The following LDB2 variants were observed in gnomAD, a reference collection of about 807,000 sequenced individuals.
LDB2 encodes the protein LIM domain binding 2, also known as LIM domain-binding protein 2.
In LDB2, 12 loss-of-function variants were observed where a neutral mutation model predicts 44.3. The observed-to-expected ratio is 0.27, with a 90% CI of 0.17 to 0.44. The LOEUF is 0.44. LDB2 is among the 20% of genes least tolerant of loss of function. The pLI, the probability that LDB2 is intolerant of heterozygous loss-of-function variation, is 1.00. For missense variants in LDB2, 344 were observed against 473.5 expected (o/e 0.73, Z 2.54); for synonymous variants, 164 against 174.8 (o/e 0.94, Z 0.49).
chr4:16,777,393 A>T (rs541939309), intron 1 of LDB2, among the ~76,000 whole-genome samples: 39 of 152,092 alleles, frequency 2.6e-4, no homozygotes, highest in Non-Finnish European at 4.1e-4. Flanking sequence ...CAAGTACAAC[A>T]GCCCTGAGAT....
At chr4:16,733,055 C>G (rs1481023460) in intron 2 of LDB2, among the ~76,000 whole-genome samples, 1 of 152,074 alleles carries the variant, frequency 6.6e-6, no homozygotes, top group East Asian at 1.9e-4. Flanking sequence ...TTTTATAAAC[C>G]ACCAGAACAA....
rs1560399347 is a variant in LDB2 at position 16,536,803 on chromosome 4, G to T, written c.616-24699C>A. Among the ~76,000 whole-genome samples the T allele has an allele frequency of 7.9e-5, 12 of 152,342 alleles. No individual in the cohort carries two copies. In the South Asian group the frequency reaches 2.5e-3, roughly 32 times the overall value. ...GCCTAGAAGGATGAGCACAGGTTAG[G>T]AGTCAAACAAGTGGGTGTTAATCCC... On this transcript the variant is annotated intron_variant, in intron 5 of 7. Coordinates refer to ENST00000304523, the MANE Select transcript of LDB2 (RefSeq NM_001290.5).
At chr4:16,520,775 A>C (rs1461637280) in intron 5 of LDB2, among the ~76,000 whole-genome samples, 1 of 152,072 alleles carries the variant, frequency 6.6e-6, no homozygotes, top group Non-Finnish European at 1.5e-5. Flanking sequence ...CCCAGGGGAG[A>C]AGTGCTTGGA....
chr4:16,895,584 G>A (rs1724747976), intron 1 of LDB2, among the ~76,000 whole-genome samples: 1 of 152,008 alleles, frequency 6.6e-6, no homozygotes, highest in Non-Finnish European at 1.5e-5. Flanking sequence ...AGGACTTAAT[G>A]AAATAATACT....
At chr4:16,567,076 ATATC>A (rs1744772910) in intron 5 of LDB2, among the ~76,000 whole-genome samples, 1 of 152,214 alleles carries the variant, frequency 6.6e-6, no homozygotes, top group Non-Finnish European at 1.5e-5. Context: ...TAACTTGAAA[ATATC>A]TATCAAAATT....
intron 2 of LDB2, among the ~76,000 whole-genome samples, chr4:16,681,614 T>C (rs1747889701): frequency 1.4e-5 from 2 of 146,774 alleles, no homozygotes; most frequent in Non-Finnish European, 3.0e-5. Context: ...AATTGTATTC[T>C]ATTCTTTTTT....
At chr4:16,503,331 C>T (rs1235251597) in intron 7 of LDB2, among the ~76,000 whole-genome samples, 1 of 152,096 alleles carries the variant, frequency 6.6e-6, no homozygotes, top group Non-Finnish European at 1.5e-5. Flanking sequence ...AGGTGCAATT[C>T]TGCAATATTC....
At chr4:16,791,468 T>C (rs546566767) in intron 1 of LDB2, among the ~76,000 whole-genome samples, 9 of 139,162 alleles carry the variant, frequency 6.5e-5, no homozygotes, top group Non-Finnish European at 1.4e-4. Context: ...GGCAGGAGAA[T>C]TGCTTGAACG....
chr4:16,860,297 T>G (rs892730613), intron 1 of LDB2, among the ~76,000 whole-genome samples: 9 of 152,228 alleles, frequency 5.9e-5, no homozygotes, highest in African/African-American at 2.2e-4. Context: ...AAATGCATTT[T>G]CAGCCTAATA....
At chr4:16,584,799 A>C (rs749198499) in intron 5 of LDB2, among the ~76,000 whole-genome samples, 8 of 152,210 alleles carry the variant, frequency 5.3e-5, no homozygotes, top group Non-Finnish European at 1.0e-4. Flanking sequence ...ACAGATGACA[A>C]TAAGAGGAGT....
At chr4:16,813,880 T>TA (rs1780383352) in intron 1 of LDB2, among the ~76,000 whole-genome samples, 1 of 150,962 alleles carries the variant, frequency 6.6e-6, no homozygotes, top group South Asian at 2.1e-4. Flanking sequence ...TTCTTTTCTT[T>TA]TTTTTTTTTT....
intron 2 of LDB2, among the ~76,000 whole-genome samples, chr4:16,651,448 A>G (rs1245185472): frequency 6.6e-6 from 1 of 152,224 alleles, no homozygotes; most frequent in Non-Finnish European, 1.5e-5. Flanking sequence ...TCCAGGAAAC[A>G]CATTCCAGTC....
chr4:16,815,914 C>A (rs1780796097), intron 1 of LDB2, among the ~76,000 whole-genome samples: 1 of 152,120 alleles, frequency 6.6e-6, no homozygotes, highest in Admixed American at 6.6e-5. Flanking sequence ...GGCTTAAAAT[C>A]ATATTACTTC....
At chr4:16,790,162 G>C (rs1775396747) in intron 1 of LDB2, among the ~76,000 whole-genome samples, 1 of 152,174 alleles carries the variant, frequency 6.6e-6, no homozygotes, top group African/African-American at 2.4e-5. Flanking sequence ...TTATAGGAAG[G>C]AAGTCTTTCC....
At chr4:16,841,030 C>T (rs951452994) in intron 1 of LDB2, among the ~76,000 whole-genome samples, 6 of 152,138 alleles carry the variant, frequency 3.9e-5, no homozygotes, top group African/African-American at 1.4e-4. Flanking sequence ...ACATTCAAAC[C>T]GCATCTCATG....
intron 1 of LDB2, among the ~76,000 whole-genome samples, chr4:16,760,844 A>C (rs918391982): frequency 6.6e-6 from 1 of 152,176 alleles, no homozygotes; most frequent in African/African-American, 2.4e-5. Flanking sequence ...TATTCGGAAG[A>C]CTGGATACAT....
intron 1 of LDB2, among the ~76,000 whole-genome samples, chr4:16,844,889 A>G (rs1011517372): frequency 6.6e-6 from 1 of 152,196 alleles, no homozygotes; most frequent in African/African-American, 2.4e-5. Context: ...ATTCAGAGCA[A>G]ATGGATTGTG....
intron 1 of LDB2, among the ~76,000 whole-genome samples, chr4:16,772,361 T>G (rs1281440215): frequency 6.6e-6 from 1 of 152,194 alleles, no homozygotes; most frequent in Non-Finnish European, 1.5e-5. Context: ...TGGTTAAAAA[T>G]GACTGCCTGA....
chr4:16,574,221 C>G (rs893522995), intron 5 of LDB2, among the ~76,000 whole-genome samples: 2 of 152,210 alleles, frequency 1.3e-5, no homozygotes, highest in African/African-American at 2.4e-5. Context: ...TCTAAATGCT[C>G]TCACACTCAG....
Sources: allele counts gnomAD v4.1 joint callset (sites outside exome capture counted in the v4.1 genomes callset), GRCh38; gene constraint gnomAD v4.1.1; transcripts MANE v1.5; gene names NCBI Gene and HGNC (gene_info 2026-07-23, HGNC 2026-07-21).